TRAPPC9: variants seen among roughly 807,000 people sequenced by gnomAD.
TRAPPC9 encodes the protein trafficking protein particle complex subunit 9.
In TRAPPC9, 83 loss-of-function variants were observed where a neutral mutation model predicts 124.0. The observed-to-expected ratio is 0.67, with a 90% CI of 0.56 to 0.80. TRAPPC9 has a LOEUF of 0.80. Ranked by LOEUF, TRAPPC9 falls within the 30% of genes least tolerant of loss-of-function variation. The pLI is 0.00. For missense variants in TRAPPC9, 1,302 were observed against 1,508.3 expected, an observed-to-expected ratio of 0.86 and a Z score of 2.27; for synonymous variants, 638 against 617.5, an observed-to-expected ratio of 1.03 and a Z score of -0.49.
chr8:140,340,179 G>A (rs1204864623), intron 9 of TRAPPC9, among the ~76,000 whole-genome samples: 1 of 152,200 alleles, frequency 6.6e-6, no homozygotes, highest in African/African-American at 2.4e-5. Flanking sequence ...AAATTGGTCA[G>A]TTAAAGATTA....
intron 2 of TRAPPC9, among the ~76,000 whole-genome samples, chr8:140,447,004 C>G (rs771206240): frequency 2.0e-5 from 3 of 152,204 alleles, no homozygotes; most frequent in African/African-American, 7.2e-5. Context: ...CCTTCATGCA[C>G]GGCCCACAGC....
chr8:139,807,253 C>T (rs1824131148), intron 21 of TRAPPC9, among the ~76,000 whole-genome samples: 1 of 152,216 alleles, frequency 6.6e-6, no homozygotes, highest in African/African-American at 2.4e-5. Flanking sequence ...GTTGCCAAGG[C>T]CACAGCGGTG....
At chr8:140,455,006 T>C (rs1310435812) in intron 1 of TRAPPC9, among the ~76,000 whole-genome samples, 1 of 151,846 alleles carries the variant, frequency 6.6e-6, no homozygotes, top group Non-Finnish European at 1.5e-5. Context: ...AATACAGGTA[T>C]TAAAACAGCA....
intron 15 of TRAPPC9, among the ~76,000 whole-genome samples, chr8:140,261,331 A>T (rs2064403531): frequency 2.0e-5 from 3 of 152,224 alleles, no homozygotes; most frequent in Admixed American, 2.0e-4. Context: ...GAGATAAAGA[A>T]GATGTAGCCC....
At chr8:140,237,065 C>A (rs1198686237) in intron 16 of TRAPPC9, among the ~76,000 whole-genome samples, 1 of 152,080 alleles carries the variant, frequency 6.6e-6, no homozygotes, top group African/African-American at 2.4e-5. Context: ...CATGTAGTCC[C>A]AGCTACTGAG....
chr8:140,448,463 G>T (rs759401829), intron 2 of TRAPPC9, among the ~76,000 whole-genome samples: 8 of 152,246 alleles, frequency 5.3e-5, no homozygotes, highest in Non-Finnish European at 1.0e-4. Context: ...TGTGAGCTCA[G>T]ATTTCAAAAG....
chr8:139,737,183 C>A (rs564241507), intron 21 of TRAPPC9, among the ~76,000 whole-genome samples: 1 of 152,296 alleles, frequency 6.6e-6, no homozygotes, highest in African/African-American at 2.4e-5. Flanking sequence ...CGGCTTCTAT[C>A]GGCGCTCCCC....
At chr8:140,410,046 C>T (rs912406453) in intron 5 of TRAPPC9, among the ~76,000 whole-genome samples, 4 of 145,976 alleles carry the variant, frequency 2.7e-5, no homozygotes, top group Non-Finnish European at 5.9e-5. Flanking sequence ...GAGGCTGAGG[C>T]AGGAGGACTG....
chr8:139,864,604 C>T (rs1265824735), intron 21 of TRAPPC9, among the ~76,000 whole-genome samples: 1 of 152,164 alleles, frequency 6.6e-6, no homozygotes, highest in Non-Finnish European at 1.5e-5. Context: ...CCCTAGCTTC[C>T]ATCTCTGTAA....
chr8:140,293,155 C>T (rs2065710511), intron 11 of TRAPPC9, among the ~76,000 whole-genome samples: 1 of 147,372 alleles, frequency 6.8e-6, no homozygotes, highest in South Asian at 2.2e-4. Context: ...CAAATCAAAA[C>T]CACAATGAGA....
At chr8:140,137,903 C>G (rs1246200338) in intron 17 of TRAPPC9, among the ~76,000 whole-genome samples, 2 of 152,190 alleles carry the variant, frequency 1.3e-5, no homozygotes, top group Admixed American at 6.5e-5. Context: ...ATGTTTGATT[C>G]TGAAATTTGT....
chr8:139,973,758 T>C (rs1287692342), intron 19 of TRAPPC9, among the ~76,000 whole-genome samples: 1 of 152,074 alleles, frequency 6.6e-6, no homozygotes, highest in Non-Finnish European at 1.5e-5. Flanking sequence ...TGCAGGACCC[T>C]CTGGGAGGCT....
chr8:140,072,401 A>C (rs1036327098), intron 17 of TRAPPC9, among the ~76,000 whole-genome samples: 8 of 152,180 alleles, frequency 5.3e-5, no homozygotes, highest in Non-Finnish European at 1.0e-4. Flanking sequence ...GTGTGGTGGC[A>C]TGTGCCTGTA....
intron 21 of TRAPPC9, among the ~76,000 whole-genome samples, chr8:139,778,062 T>C (rs1232033056): frequency 1.3e-5 from 2 of 151,788 alleles, no homozygotes; most frequent in African/African-American, 4.8e-5. Context: ...AGCAAGACAC[T>C]GAAAGTACCC....
At chr8:140,057,764 T>C (rs1485508941) in intron 17 of TRAPPC9, among the ~76,000 whole-genome samples, 1 of 152,184 alleles carries the variant, frequency 6.6e-6, no homozygotes, top group Non-Finnish European at 1.5e-5. Flanking sequence ...CCATAAGACA[T>C]TGTGCCTGTG....
At chr8:140,306,586 G>A (rs565459703) in intron 10 of TRAPPC9, among the ~76,000 whole-genome samples, 47 of 151,676 alleles carry the variant, frequency 3.1e-4, no homozygotes, top group Non-Finnish European at 6.0e-4. Context: ...AAACTTAGAA[G>A]AAAGGCATGA....
intron 16 of TRAPPC9, among the ~76,000 whole-genome samples, chr8:140,239,956 A>T (rs1156875835): frequency 1.3e-5 from 2 of 152,236 alleles, no homozygotes; most frequent in Non-Finnish European, 2.9e-5. Flanking sequence ...ACACTGAATA[A>T]CTGTCCCAAT....
intron 14 of TRAPPC9, 47 bp from the exon 15 acceptor site, chr8:140,275,868 A>G: frequency 6.7e-7 from 1 of 1,499,452 alleles, no homozygotes; most frequent in Non-Finnish European, 9.2e-7. Flanking sequence ...GAAGAAGCCA[A>G]GGCCATTTGA....
intron 19 of TRAPPC9, among the ~76,000 whole-genome samples, chr8:139,967,206 C>T (rs1439121758): frequency 1.3e-5 from 2 of 152,160 alleles, no homozygotes; most frequent in African/African-American, 4.8e-5. Flanking sequence ...TGCTCATGAG[C>T]AATTCTTGGG....
Sources: allele counts gnomAD v4.1 joint callset (sites outside exome capture counted in the v4.1 genomes callset), GRCh38; gene constraint gnomAD v4.1.1; transcripts MANE v1.5; gene names NCBI Gene and HGNC (gene_info 2026-07-23, HGNC 2026-07-21).